CACNA2D4: variants seen among roughly 807,000 people sequenced by gnomAD.
CACNA2D4 encodes voltage-dependent calcium channel subunit alpha-2/delta-4.
CACNA2D4 carries 157 observed loss-of-function variants against 163.8 expected under a neutral mutation model. That is an observed-to-expected ratio of 0.96 (90% confidence interval 0.84 to 1.09). CACNA2D4 has a LOEUF of 1.09. CACNA2D4 is among the 50% of genes least tolerant of loss of function. The pLI is 0.00. For synonymous variants in CACNA2D4, 598 were observed against 586.9 expected (o/e 1.02, Z -0.27); for missense variants, 1,410 against 1,479.9 (o/e 0.95, Z 0.78).
chr12:1,828,120 A>G lies in CACNA2D4; in HGVS notation c.2551+12619T>C. The G allele has an allele frequency of 6.6e-7, 1 of 1,509,278 alleles. No homozygotes were observed. Among genetic ancestry groups the G allele is most frequent in the Non-Finnish European group, 8.9e-7 (1 of 1,125,372 alleles). The allele number at this position is 1,509,278 out of a possible 1,614,324, so 93.5% of individuals were successfully genotyped here. A position where few individuals can be genotyped will look rare whatever the true frequency, so the allele number is the denominator to read the frequency against. On this transcript the variant is annotated intron_variant, in intron 26 of 37. Coordinates refer to ENST00000382722, the MANE Select transcript of CACNA2D4 (RefSeq NM_172364.5). This position sits in a 1 kb window ranked among gnomAD's most constrained non-coding sequence, Gnocchi z 4.2. ...CAGGGGCTCCTCTCTCCCCAGAGCG[A>G]CAGGGCCCGGAGAGCCGTGGGCCTC...
chr12:1,813,879 G>A (rs1423728518), intron 26 of CACNA2D4, among the ~76,000 whole-genome samples: 5 of 152,176 alleles, frequency 3.3e-5, no homozygotes, highest in African/African-American at 9.7e-5. Flanking sequence ...TGTGCTCAGG[G>A]CCTAGCATGG....
intron 24 of CACNA2D4, among the ~76,000 whole-genome samples, chr12:1,845,555 G>T (rs1865125921): frequency 6.6e-6 from 1 of 152,306 alleles, no homozygotes; most frequent in East Asian, 1.9e-4. Context: ...AGCAGCTGGC[G>T]GGTGGGAGGC....
chr12:1,836,854 A>G (rs1864878646), intron 26 of CACNA2D4: 1 of 152,546 alleles, frequency 6.6e-6, no homozygotes, highest in Admixed American at 6.5e-5. Flanking sequence ...GGTGGCCATG[A>G]TCCTGATGCG....
chr12:1,846,843 C>T (rs1294389310), intron 23 of CACNA2D4, among the ~76,000 whole-genome samples, 154 bp from the exon 24 acceptor site: 1 of 152,230 alleles, frequency 6.6e-6, no homozygotes, highest in African/African-American at 2.4e-5. Context: ...GGGGCCGGGA[C>T]ACGCACCCTG....
In CACNA2D4 at chr12:1,918,516, CCTTTG is replaced by C. The variant is rs1867055994; in HGVS notation, c.-48_-44del. 1.3e-6 allele frequency: 2 copies of C among 1,492,394 alleles called. No homozygotes were observed. The highest frequency in any genetic ancestry group is 2.8e-5 in the African/African-American group (2 of 71,282). The allele number at this position is 1,492,394 out of a possible 1,614,324, so 92.4% of individuals were successfully genotyped here. ...CTCCCAGACCCCAGGACGCCCCAGG[CCTTTG>C]TCTTCCGTGCCTTGGCGAGCCTGGG... On this transcript the variant is annotated 5_prime_UTR_variant, in exon 1 of 38. Transcript: ENST00000382722.
Position 1,834,769 on chromosome 12 carries a change from G to A in CACNA2D4, c.2551+5970C>T. On this transcript the variant is annotated intron_variant, in intron 26 of 37. Coordinates refer to ENST00000382722, the MANE Select transcript of CACNA2D4 (RefSeq NM_172364.5). This position sits in a 1 kb window ranked among gnomAD's most constrained non-coding sequence, Gnocchi z 7.6. ...GTAGGAAGGGCGGGGAGAGCACACG[G>A]CATTGCTCAGCCACAGCTCCCACCT... 1 of 1,528,866 alleles carries A rather than the reference G, an allele frequency of 6.5e-7. No individual in the cohort carries two copies. 94.7% of individuals were successfully genotyped at this position (1,528,866 alleles called of 1,614,324 possible). A position where few individuals can be genotyped will look rare whatever the true frequency, so the allele number is the denominator to read the frequency against.
intron 26 of CACNA2D4, among the ~76,000 whole-genome samples, chr12:1,837,774 C>A (rs1312460397): frequency 1.3e-5 from 2 of 152,110 alleles, no homozygotes; most frequent in African/African-American, 4.8e-5. Flanking sequence ...TATAGCAGGG[C>A]CCAAGACAAG....
chr12:1,910,754 T>A (rs1373340655), intron 3 of CACNA2D4, among the ~76,000 whole-genome samples: 1 of 152,112 alleles, frequency 6.6e-6, no homozygotes, highest in Admixed American at 6.5e-5. Context: ...CAGGTACAAA[T>A]GGTCACGTAT....
In CACNA2D4 at chr12:1,907,489, C is replaced by A; in HGVS notation, c.732G>T (p.Leu244Phe). 1 of 1,613,930 alleles carries A rather than the reference C, an allele frequency of 6.2e-7. No homozygotes were observed. The highest frequency in any genetic ancestry group is 1.1e-5 in the South Asian group (1 of 91,046). Residue 244 changes from leucine (L) to phenylalanine (F), a missense_variant, in exon 6 of 38, where the codon TTG (leucine) becomes TTT (phenylalanine). By Grantham distance (22) the Leu-to-Phe change is conservative (BLOSUM62 0). Transcript: ENST00000382722. ...TTGCACTGCCAAAATATTGCCAGGT[C>A]AACGTTGGGTCTCTCTGGAAGTTCT... ...FVENFQRDPT[L>F]TWQYFGSATG...
chr12:1,915,389 C>T (rs1448273252), intron 1 of CACNA2D4, among the ~76,000 whole-genome samples: 2 of 152,148 alleles, frequency 1.3e-5, no homozygotes, highest in Admixed American at 6.5e-5. Context: ...TGGAGAGTGG[C>T]AGACTGAGAG....
At position 1,810,601 on chromosome 12, in the gene CACNA2D4, G is replaced by A. The variant is rs1183960483; in HGVS notation, c.2614-14C>T. Reference sequence around the variant, plus strand: ...CACAGTGCTGCACTGGAAGGAAGAGGAGAGACTGAATGTGGACACTGCATG... The same window carrying A: ...CACAGTGCTGCACTGGAAGGAAGAGAAGAGACTGAATGTGGACACTGCATG... On this transcript the variant is annotated splice_polypyrimidine_tract_variant and intron_variant, in intron 27 of 37. Coordinates refer to ENST00000382722, the MANE Select transcript of CACNA2D4 (RefSeq NM_172364.5). The A allele has an allele frequency of 1.3e-6, 2 of 1,552,816 alleles. No individual in the cohort carries two copies. The highest frequency in any genetic ancestry group is 1.7e-6 in the Non-Finnish European group (2 of 1,147,614).
chr12:1,834,519 T>C lies in CACNA2D4; in HGVS notation c.2551+6220A>G, dbSNP rs535530328. ...AAGCAGAGGCACCGGCCGGCGAGCGTGAGGCGAGCCATGGGCACGGTGATC... is the reference window on the plus strand; with the variant it reads ...AAGCAGAGGCACCGGCCGGCGAGCGCGAGGCGAGCCATGGGCACGGTGATC... On this transcript the variant is annotated intron_variant, in intron 26 of 37. Transcript: ENST00000382722. The surrounding 1 kb of genome is among the most constrained non-coding windows in gnomAD (Gnocchi z 7.6). 1.9e-6 allele frequency: 3 copies of C among 1,605,900 alleles called. No individual in the cohort carries two copies. The South Asian group carries it at 3.3e-5, about 18-fold the overall frequency.
At chr12:1,860,770 C>T (rs1435255714) in intron 18 of CACNA2D4, among the ~76,000 whole-genome samples, 1 of 152,190 alleles carries the variant, frequency 6.6e-6, no homozygotes, top group African/African-American at 2.4e-5. Context: ...CCACGGGACC[C>T]TTTCACAACT....
chr12:1,848,054 C>T (rs777469466), intron 23 of CACNA2D4, among the ~76,000 whole-genome samples: 2 of 152,088 alleles, frequency 1.3e-5, no homozygotes, highest in Non-Finnish European at 2.9e-5. Flanking sequence ...ATTGAGATAT[C>T]GTTCAAATAC....
chr12:1,792,925 A>G lies in CACNA2D4; in HGVS notation c.*730T>C, dbSNP rs1478578270. On this transcript the variant is annotated 3_prime_UTR_variant, in exon 38 of 38. Coordinates refer to ENST00000382722, the MANE Select transcript of CACNA2D4 (RefSeq NM_172364.5). ...GTCTCAGCCTATTGGCTTTTCATAGATGCAAACTTTCCTTTAGGGCTTTGT... is the reference window on the plus strand; with the variant it reads ...GTCTCAGCCTATTGGCTTTTCATAGGTGCAAACTTTCCTTTAGGGCTTTGT... 6.6e-6 allele frequency: 1 copy of G among 152,188 alleles called. No homozygotes were observed. Among genetic ancestry groups the G allele is most frequent in the Non-Finnish European group, 1.5e-5 (1 of 68,048 alleles). The allele number at this position is 152,188 out of a possible 1,614,324, so 9.4% of individuals were successfully genotyped here.
Position 1,869,287 on chromosome 12 carries a change from A to C in CACNA2D4, c.1878+5317T>G, listed in dbSNP as rs181613515. Among the ~76,000 whole-genome samples the C allele has an allele frequency of 2.0e-5, 3 of 152,346 alleles. No homozygotes were observed. The East Asian group carries it at 5.8e-4, about 29-fold the overall frequency. The stretch of plus-strand genomic sequence containing the variant: ...AGAAGTGCAGCAGTAGCCGTTTTGC[A>C]CACTGAAGTCCGCACAGAATACCAG... On this transcript the variant is annotated intron_variant, in intron 18 of 37. Coordinates refer to ENST00000382722, the MANE Select transcript of CACNA2D4 (RefSeq NM_172364.5). The surrounding 1 kb of genome is among the most constrained non-coding windows in gnomAD (Gnocchi z 4.7).
chr12:1,865,769 G>A (rs1865639781), intron 18 of CACNA2D4, among the ~76,000 whole-genome samples: 2 of 152,212 alleles, frequency 1.3e-5, no homozygotes, highest in South Asian at 2.1e-4. Flanking sequence ...CGGTTGCGGG[G>A]CGCTGGCCTG....
In CACNA2D4 at chr12:1,828,224, A is replaced by AC. The variant is rs1864441614; in HGVS notation, c.2551+12514dup. The AC allele has an allele frequency of 9.8e-6, 15 of 1,535,882 alleles. No individual in the cohort carries two copies. Among genetic ancestry groups the AC allele is most frequent in the Non-Finnish European group, 6.1e-6 (7 of 1,139,706 alleles). On this transcript the variant is annotated intron_variant, in intron 26 of 37. Coordinates refer to ENST00000382722, the MANE Select transcript of CACNA2D4 (RefSeq NM_172364.5). This position sits in a 1 kb window ranked among gnomAD's most constrained non-coding sequence, Gnocchi z 4.2. ...GTGGAGGCAAGTCTCCTGTGAGTACACCCCTGGCCTCGGAGGGGGGTGCGG... is the reference window on the plus strand; with the variant it reads ...GTGGAGGCAAGTCTCCTGTGAGTACACCCCCTGGCCTCGGAGGGGGGTGCGG...
At chr12:1,804,995 T>G (rs778668049) in intron 29 of CACNA2D4, among the ~76,000 whole-genome samples, 43 of 152,166 alleles carry the variant, frequency 2.8e-4, no homozygotes, top group Admixed American at 5.9e-4. Context: ...AAAGCGAAGG[T>G]CCAAACGTCG....
Sources: gnomAD v4.1 joint callset for allele counts (sites outside exome capture counted in the v4.1 genomes callset) on GRCh38, gnomAD v4.1.1 for gene constraint, Gnocchi (gnomAD v3.1) non-coding constraint, MANE v1.5 for transcripts, NCBI Gene and HGNC (gene_info 2026-07-23, HGNC 2026-07-21) for gene names.